CATSPERD: variants seen among roughly 807,000 people sequenced by gnomAD.
The protein encoded by CATSPERD is catsper channel auxiliary subunit delta, also known as cation channel sperm-associated auxiliary subunit delta.
Under a neutral mutation model 98.1 loss-of-function variants are expected in CATSPERD, and 86 were observed. The observed-to-expected ratio is 0.88, with a 90% CI of 0.74 to 1.05. The LOEUF is 1.05. Among genes scored for constraint, CATSPERD ranks in the 50% least tolerant of loss-of-function variants. The pLI, the probability that CATSPERD is intolerant of heterozygous loss-of-function variation, is 0.00. For synonymous variants in CATSPERD, 394 were observed against 390.2 expected (o/e 1.01, Z -0.12); for missense variants, 995 against 1,005.7 (o/e 0.99, Z 0.14).
chr19:5,775,665 AAAG>A (rs1239516962), intron 20 of CATSPERD, among the ~76,000 whole-genome samples: 23 of 150,484 alleles, frequency 1.5e-4, no homozygotes, highest in African/African-American at 5.4e-4. Context: ...AAAAAAAAAA[AAAG>A]AAAGAAAAGA....
At chr19:5,750,242 A>T (rs1459604772) in intron 11 of CATSPERD, among the ~76,000 whole-genome samples, 1 of 148,196 alleles carries the variant, frequency 6.7e-6, no homozygotes, top group Non-Finnish European at 1.5e-5. Flanking sequence ...AGTTCAGGAG[A>T]TCGTGACCAT....
At chr19:5,759,254 A>C in intron 15 of CATSPERD, 110 bp downstream of exon 15, 1 of 1,023,764 alleles carries the variant, frequency 9.8e-7, no homozygotes, top group Non-Finnish European at 1.5e-6. Flanking sequence ...GAACAGTAAA[A>C]CAAGGCGATT....
At chr19:5,727,038 A>T (rs1010004977) in intron 2 of CATSPERD, among the ~76,000 whole-genome samples, 1 of 152,110 alleles carries the variant, frequency 6.6e-6, no homozygotes, top group Non-Finnish European at 1.5e-5. Context: ...CAAAAAAAAT[A>T]GAAAAAACCA....
intron 21 of CATSPERD, among the ~76,000 whole-genome samples, chr19:5,777,343 T>A (rs2056756222): frequency 6.6e-6 from 1 of 152,128 alleles, no homozygotes; most frequent in Non-Finnish European, 1.5e-5. Context: ...GACTCTCCCG[T>A]GCCACAGGTG....
In CATSPERD at chr19:5,751,761, A is replaced by G. The variant is rs2056225907; in HGVS notation, c.1102A>G (p.Lys368Glu). The G allele has an allele frequency of 1.9e-6, 3 of 1,613,832 alleles. 1 individual carries two copies. The highest frequency in any genetic ancestry group is 2.2e-5 in the South Asian group (2 of 91,072). Residue 368 changes from lysine (K) to glutamate (E), a missense_variant, in exon 12 of 22, where the codon AAG (lysine) becomes GAG (glutamate). Around this residue, in one of 3 missense-constraint regions of CATSPERD, gnomAD observed 762 missense variants for 773.7 expected, o/e 0.98. Coordinates refer to ENST00000381624, the MANE Select transcript of CATSPERD (RefSeq NM_152784.4). ...AGCCTTTCCAGCTTTTGATTTCCAG[A>G]AGTGCCTCGTGAATATCCAGGCGCT... ...DTAFPAFDFQKCLVNIQALLM... is the reference protein window; with the variant it reads ...DTAFPAFDFQECLVNIQALLM...
intron 13 of CATSPERD, 149 bp from the exon 14 acceptor site, chr19:5,757,694 G>C (rs1308276570): frequency 1.9e-6 from 1 of 518,868 alleles, no homozygotes; most frequent in African/African-American, 2.0e-5. Context: ...TCTCACCTTG[G>C]TCTCCCAAAG....
intron 7 of CATSPERD, 25 bp downstream of exon 7, chr19:5,739,464 G>A (rs753050559): frequency 1.6e-6 from 2 of 1,242,328 alleles, no homozygotes; most frequent in Admixed American, 4.2e-5. Context: ...GTAAGAATGT[G>A]AAAATAAATA....
At chr19:5,754,020 G>C in intron 12 of CATSPERD, 112 bp from the exon 13 acceptor site, 1 of 726,750 alleles carries the variant, frequency 1.4e-6, no homozygotes, top group East Asian at 2.5e-5. Context: ...AGAGGCACAA[G>C]TGGAGATTCA....
At chr19:5,754,533 G>C (rs923971588) in intron 13 of CATSPERD, among the ~76,000 whole-genome samples, 1 of 151,394 alleles carries the variant, frequency 6.6e-6, no homozygotes, top group African/African-American at 2.4e-5. Context: ...CGAGTAGCTG[G>C]GATTACCAGC....
At chr19:5,768,298 A>G in intron 18 of CATSPERD, 56 bp downstream of exon 18, 1 of 1,381,384 alleles carries the variant, frequency 7.2e-7, no homozygotes, top group South Asian at 1.3e-5. Context: ...TGGGCCTGCA[A>G]AAGCCAAGAG....
rs1418741597 is a variant in CATSPERD at position 5,733,339 on chromosome 19, T to C, written c.277-517T>C. Among the ~76,000 whole-genome samples the C allele has an allele frequency of 6.2e-5, 8 of 129,550 alleles. No homozygotes were observed. In the East Asian group the frequency reaches 1.9e-3, roughly 30 times the overall value. The allele number at this position is 129,550 out of a possible 152,430, so 85.0% of individuals were successfully genotyped here. On this transcript the variant is annotated intron_variant, in intron 4 of 21. Coordinates refer to ENST00000381624, the MANE Select transcript of CATSPERD (RefSeq NM_152784.4). The stretch of plus-strand genomic sequence containing the variant: ...TCTTTCTTTCTTTCTTTCTTTCCTT[T>C]CTTTCTTTCTTCCTTCCTTCCCTCC...
intron 18 of CATSPERD, among the ~76,000 whole-genome samples, chr19:5,770,137 G>A (rs2056618406): frequency 6.7e-6 from 1 of 148,900 alleles, no homozygotes; most frequent in Admixed American, 6.7e-5. Context: ...GAAAGTAATG[G>A]CAAAAACCGG....
At chr19:5,743,694 C>G (rs1386516768) in intron 7 of CATSPERD, among the ~76,000 whole-genome samples, 1 of 148,420 alleles carries the variant, frequency 6.7e-6, no homozygotes, top group Non-Finnish European at 1.5e-5. Context: ...CTCTCTCTCT[C>G]TCTCTCTCTC....
chr19:5,757,860 C>T lies in CATSPERD; in HGVS notation c.1296C>T (p.Pro432=), dbSNP rs1316738475. 6.2e-7 allele frequency: 1 copy of T among 1,613,258 alleles called. No individual in the cohort carries two copies. The highest frequency in any genetic ancestry group is 1.3e-5 in the African/African-American group (1 of 74,980). Residue 432 remains proline (P), a synonymous_variant, in exon 14 of 22, where the codon CCC becomes CCT. Coordinates refer to ENST00000381624, the MANE Select transcript of CATSPERD (RefSeq NM_152784.4). ...ACTCCCAGGTGATGGTGAGCAACCC[C>T]CACTCCCTGGGGTTCCAGGCCACCT... ...SLIPLVMVSN[P]HSLGFQATFY... is the part of the protein sequence containing the mutation.
rs553975771 is a variant in CATSPERD at position 5,738,989 on chromosome 19, A to G, written c.460-337A>G. Among the ~76,000 whole-genome samples the G allele has an allele frequency of 1.3e-4, 19 of 151,932 alleles. No homozygotes were observed. The East Asian group carries it at 2.9e-3, about 23-fold the overall frequency. On this transcript the variant is annotated intron_variant, in intron 6 of 21. Transcript: ENST00000381624. ...CTGATCCGCCCGCCTCAGCCTCCCA[A>G]AGTGCTGGGATTACAGTTGTGAGCC...
chr19:5,748,081 T>C (rs1402214199), intron 9 of CATSPERD, 79 bp from the exon 10 acceptor site: 2 of 1,164,522 alleles, frequency 1.7e-6, no homozygotes, highest in South Asian at 1.2e-5. Context: ...GTGGCAGGGG[T>C]GGCTGTGGTC....
At chr19:5,759,167 C>T (rs373866012) in intron 15 of CATSPERD, 23 bp downstream of exon 15, 44 of 1,610,900 alleles carry the variant, frequency 2.7e-5, no homozygotes, top group African/African-American at 1.6e-4. Flanking sequence ...CTGGGAGAGG[C>T]GGGGACTGGG....
intron 18 of CATSPERD, among the ~76,000 whole-genome samples, chr19:5,769,238 G>A (rs1368057104): frequency 6.6e-6 from 1 of 150,610 alleles, no homozygotes; most frequent in Non-Finnish European, 1.5e-5. Flanking sequence ...GGAAGGCTGA[G>A]GCAGGAGGAT....
chr19:5,752,202 C>T (rs13345765), intron 12 of CATSPERD, among the ~76,000 whole-genome samples: 1,650 of 152,006 alleles, frequency 0.011, 41 homozygotes, highest in African/African-American at 0.038. Flanking sequence ...CCACCTACTT[C>T]GAGTGCTGAG....
Sources: allele counts gnomAD v4.1 joint callset (sites outside exome capture counted in the v4.1 genomes callset), GRCh38; gene constraint gnomAD v4.1.1; regional missense constraint gnomAD v4.1.1; transcripts MANE v1.5; gene names NCBI Gene and HGNC (gene_info 2026-07-23, HGNC 2026-07-21).